CADM2: variants seen among roughly 807,000 people sequenced by gnomAD.
CADM2 encodes the protein immunoglobulin superfamily member 4D.
CADM2 carries 12 observed loss-of-function variants against 49.8 expected under a neutral mutation model. The ratio of observed to expected loss-of-function variants is 0.24; its 90% CI spans 0.15 to 0.39. The LOEUF (loss-of-function observed/expected upper bound fraction) is 0.39, where lower values mean the gene tolerates loss of function less well. Among genes scored for constraint, CADM2 ranks in the 10% least tolerant of loss-of-function variants. The probability of loss-of-function intolerance (pLI) is 1.00; values close to 1 mark genes in which losing one functional copy is unlikely to be tolerated. For missense variants in CADM2, 378 were observed against 492.3 expected, an observed-to-expected ratio of 0.77 and a Z score of 2.20; for synonymous variants, 214 against 175.4, an observed-to-expected ratio of 1.22 and a Z score of -1.74.
At chr3:86,009,018 A>C (rs958824412) in intron 8 of CADM2, among the ~76,000 whole-genome samples, 2 of 148,752 alleles carry the variant, frequency 1.3e-5, no homozygotes, top group African/African-American at 4.9e-5. Flanking sequence ...ATAAACACTA[A>C]ATAGTATTGA....
At chr3:85,416,650 G>A (rs925438112) in intron 1 of CADM2, among the ~76,000 whole-genome samples, 1 of 152,162 alleles carries the variant, frequency 6.6e-6, no homozygotes, top group African/African-American at 2.4e-5. Context: ...GATAAATTGT[G>A]TGGGGACTAG....
At chr3:85,549,257 TGG>T (rs1376641958) in intron 1 of CADM2, among the ~76,000 whole-genome samples, 2 of 152,054 alleles carry the variant, frequency 1.3e-5, no homozygotes, top group Non-Finnish European at 2.9e-5. Context: ...TTAACAGTAG[TGG>T]GATGAAAGTC....
chr3:84,980,791 G>T (rs889244934), intron 1 of CADM2, among the ~76,000 whole-genome samples: 6 of 152,048 alleles, frequency 3.9e-5, no homozygotes, highest in African/African-American at 9.7e-5. Context: ...TATGGTGAGG[G>T]TTAATAAGTT....
rs150785947 is a variant in CADM2 at position 85,739,216 on chromosome 3, C to T, written c.88+12668C>T. 5.8e-3 allele frequency among the ~76,000 whole-genome samples: 883 copies of T among 152,158 alleles called. 12 individuals carry two copies. Among genetic ancestry groups the T allele is most frequent in the African/African-American group, 0.021 (855 of 41,560 alleles). On this transcript the variant is annotated intron_variant, in intron 2 of 9. Transcript: ENST00000383699. ...TACTGATTTCCATACCCAAATAAATCTTGACAGAATAGAGTCATACTGCTT... is the reference window on the plus strand; with the variant it reads ...TACTGATTTCCATACCCAAATAAATTTTGACAGAATAGAGTCATACTGCTT...
chr3:85,232,210 CAAT>C (rs2042310598), intron 1 of CADM2, among the ~76,000 whole-genome samples: 1 of 151,200 alleles, frequency 6.6e-6, no homozygotes. Flanking sequence ...TCTTATTGGT[CAAT>C]GTATTGCAAA....
At chr3:85,766,329 T>G (rs1417489461) in intron 2 of CADM2, among the ~76,000 whole-genome samples, 3 of 152,114 alleles carry the variant, frequency 2.0e-5, no homozygotes, top group Non-Finnish European at 2.9e-5. Flanking sequence ...GAAAGAGCTC[T>G]CTATTAATAG....
At chr3:85,535,770 C>T (rs79816017) in intron 1 of CADM2, among the ~76,000 whole-genome samples, 14 of 152,172 alleles carry the variant, frequency 9.2e-5, no homozygotes, top group African/African-American at 1.9e-4. Flanking sequence ...AAATGTACAG[C>T]ATGACACTGC....
intron 1 of CADM2, among the ~76,000 whole-genome samples, chr3:85,189,456 C>T (rs2041150332): frequency 1.3e-5 from 2 of 151,994 alleles, no homozygotes; most frequent in South Asian, 4.1e-4. Flanking sequence ...ATCAGCAGCT[C>T]ATTTTGATAG....
At chr3:85,149,208 A>C (rs2039845427) in intron 1 of CADM2, among the ~76,000 whole-genome samples, 1 of 152,058 alleles carries the variant, frequency 6.6e-6, no homozygotes, top group African/African-American at 2.4e-5. Context: ...CTCATGGTGA[A>C]ATTTAATTGC....
At chr3:85,180,200 G>A (rs1183584967) in intron 1 of CADM2, among the ~76,000 whole-genome samples, 2 of 152,054 alleles carry the variant, frequency 1.3e-5, no homozygotes, top group Non-Finnish European at 1.5e-5. Context: ...AATTGGCAAA[G>A]ATACTTTCAG....
chr3:85,525,132 G>T (rs59825726), intron 1 of CADM2, among the ~76,000 whole-genome samples: 98 of 151,960 alleles, frequency 6.4e-4, no homozygotes, highest in African/African-American at 2.3e-3. Context: ...TTCTGCACGT[G>T]TATCCCAGAG....
chr3:85,456,632 A>G (rs2038003017), intron 1 of CADM2, among the ~76,000 whole-genome samples: 2 of 152,186 alleles, frequency 1.3e-5, no homozygotes, highest in South Asian at 4.1e-4. Context: ...GATTTTATTT[A>G]TTAATTACTC....
intron 1 of CADM2, among the ~76,000 whole-genome samples, chr3:85,377,740 T>C (rs1191240622): frequency 3.8e-4 from 58 of 152,052 alleles, no homozygotes. Context: ...AAGTTAAAGT[T>C]AATAGCTACA....
chr3:85,825,869 T>C (rs936614023), intron 3 of CADM2, among the ~76,000 whole-genome samples: 3 of 152,066 alleles, frequency 2.0e-5, no homozygotes, highest in Non-Finnish European at 4.4e-5. Flanking sequence ...TGTGTATAAA[T>C]GTTTTCAAAT....
chr3:85,727,798 G>T (rs2107787076), intron 2 of CADM2, among the ~76,000 whole-genome samples: 1 of 152,224 alleles, frequency 6.6e-6, no homozygotes, highest in Non-Finnish European at 1.5e-5. Flanking sequence ...AGGAGGTGGA[G>T]CTGGAAGTGG....
chr3:85,104,243 T>C (rs532311993), intron 1 of CADM2, among the ~76,000 whole-genome samples: 29 of 151,470 alleles, frequency 1.9e-4, no homozygotes, highest in South Asian at 6.3e-4. Context: ...AAGGAAGGGA[T>C]CCAGTTTCAG....
chr3:85,281,312 C>CA (rs2043493722), intron 1 of CADM2, among the ~76,000 whole-genome samples: 1 of 151,730 alleles, frequency 6.6e-6, no homozygotes, highest in Non-Finnish European at 1.5e-5. Context: ...AAGAAACATG[C>CA]AAAAATGTAA....
chr3:85,357,238 C>T (rs1576410430), intron 1 of CADM2, among the ~76,000 whole-genome samples: 1 of 152,042 alleles, frequency 6.6e-6, no homozygotes, highest in East Asian at 1.9e-4. Context: ...TAGAAATTGT[C>T]AGCAAGCTTA....
chr3:85,536,567 A>G (rs1185731849), intron 1 of CADM2, among the ~76,000 whole-genome samples: 1 of 151,942 alleles, frequency 6.6e-6, no homozygotes, highest in Non-Finnish European at 1.5e-5. Context: ...TTTTCATAAG[A>G]TATTTACTCT....
Sources: gnomAD v4.1 joint callset for allele counts (sites outside exome capture counted in the v4.1 genomes callset) on GRCh38, gnomAD v4.1.1 for gene constraint, MANE v1.5 for transcripts, NCBI Gene and HGNC (gene_info 2026-07-23, HGNC 2026-07-21) for gene names.